Variants in PDE1A observed in about 807,000 individuals in gnomAD.
PDE1A encodes phosphodiesterase 1A.
Under a neutral mutation model 61.7 loss-of-function variants are expected in PDE1A, and 35 were observed. That is an observed-to-expected ratio of 0.57 (90% confidence interval 0.43 to 0.75). PDE1A has a LOEUF of 0.75. Ranked by LOEUF, PDE1A falls within the 30% of genes least tolerant of loss-of-function variation. The pLI, the probability that PDE1A is intolerant of heterozygous loss-of-function variation, is 0.00. For missense variants in PDE1A, 597 were observed against 630.6 expected, an observed-to-expected ratio of 0.95 and a Z score of 0.57; for synonymous variants, 232 against 213.2, an observed-to-expected ratio of 1.09 and a Z score of -0.77.
the PDE1A span, among the ~76,000 whole-genome samples, chr2:182,571,257 T>G: frequency 1.3e-5 from 2 of 152,130 alleles, no homozygotes; most frequent in Non-Finnish European, 2.9e-5. Flanking sequence ...TATGCTTTCT[T>G]TTAAAATAGG....
chr2:182,536,667 C>T, the PDE1A span, among the ~76,000 whole-genome samples: 4 of 152,168 alleles, frequency 2.6e-5, no homozygotes, highest in African/African-American at 7.2e-5. Context: ...TATACCATTA[C>T]ACATGTTCTT....
intron 13 of PDE1A, among the ~76,000 whole-genome samples, chr2:182,185,105 T>C (rs1195612512): frequency 6.6e-6 from 1 of 152,138 alleles, no homozygotes; most frequent in Non-Finnish European, 1.5e-5. Context: ...TTCCTGAGTA[T>C]ATTAAAGCTG....
chr2:182,208,844 C>T (rs571918310), intron 7 of PDE1A, among the ~76,000 whole-genome samples: 13 of 152,322 alleles, frequency 8.5e-5, no homozygotes, highest in African/African-American at 2.4e-4. Context: ...TTCTCCCTTT[C>T]GGAATAGGAG....
At chr2:182,510,250 T>C (rs538135440) in intron 2 of PDE1A, among the ~76,000 whole-genome samples, 133 of 152,314 alleles carry the variant, frequency 8.7e-4, no homozygotes, top group African/African-American at 3.1e-3. Context: ...GTTTCATATA[T>C]ATGCTTCTAA....
the PDE1A span, among the ~76,000 whole-genome samples, chr2:182,608,538 G>T: frequency 3.9e-5 from 6 of 152,174 alleles, no homozygotes; most frequent in Admixed American, 3.9e-4. Context: ...TGGGCTCGGC[G>T]GCCCGGCACT....
intron 4 of PDE1A, among the ~76,000 whole-genome samples, 160 bp from the exon 5 acceptor site, chr2:182,231,291 T>C (rs925215124): frequency 1.3e-5 from 2 of 152,174 alleles, no homozygotes; most frequent in Non-Finnish European, 2.9e-5. Flanking sequence ...CCACTTAGTA[T>C]CCATGGGTCC....
chr2:182,645,347 G>A, the PDE1A span, among the ~76,000 whole-genome samples: 1 of 152,094 alleles, frequency 6.6e-6, no homozygotes, highest in Non-Finnish European at 1.5e-5. Context: ...CGTTTTACCT[G>A]ATGAAATATT....
intron 2 of PDE1A, among the ~76,000 whole-genome samples, chr2:182,507,460 A>G (rs906879385): frequency 6.6e-6 from 1 of 152,162 alleles, no homozygotes; most frequent in Non-Finnish European, 1.5e-5. Flanking sequence ...CCATCCTCCA[A>G]TAGGTCTCAC....
intron 2 of PDE1A, among the ~76,000 whole-genome samples, chr2:182,244,357 T>TTC (rs1266498288): frequency 2.7e-5 from 2 of 73,110 alleles, no homozygotes; most frequent in Non-Finnish European, 5.2e-5. Context: ...TGTTTACCTT[T>TTC]TTCTTTTTTT....
chr2:182,158,210 A>G (rs1691200242), intron 13 of PDE1A, among the ~76,000 whole-genome samples: 1 of 152,208 alleles, frequency 6.6e-6, no homozygotes. Flanking sequence ...TCATGCTTTA[A>G]AATAAAAGCA....
chr2:182,357,844 T>C (rs1699283573), intron 1 of PDE1A, among the ~76,000 whole-genome samples: 1 of 152,224 alleles, frequency 6.6e-6, no homozygotes, highest in Admixed American at 6.5e-5. Flanking sequence ...TCCACTGAGT[T>C]AAGGCACATG....
At chr2:182,289,407 C>A (rs1036704092) in intron 1 of PDE1A, among the ~76,000 whole-genome samples, 6 of 151,996 alleles carry the variant, frequency 3.9e-5, no homozygotes, top group African/African-American at 1.2e-4. Context: ...AGGGAGAGCC[C>A]AGCTTCACAT....
chr2:182,516,291 A>G (rs944382362), intron 2 of PDE1A, among the ~76,000 whole-genome samples: 2 of 152,068 alleles, frequency 1.3e-5, no homozygotes, highest in Non-Finnish European at 2.9e-5. Flanking sequence ...CAATAGTAGC[A>G]CAGACGAGTT....
At chr2:182,563,614 T>A in the PDE1A span, among the ~76,000 whole-genome samples, 1 of 152,180 alleles carries the variant, frequency 6.6e-6, no homozygotes, top group South Asian at 2.1e-4. Flanking sequence ...GTATCCTTGT[T>A]AACTTTCTGT....
intron 1 of PDE1A, among the ~76,000 whole-genome samples, chr2:182,289,792 CGAG>C (rs1201688181): frequency 6.6e-6 from 1 of 151,942 alleles, no homozygotes; most frequent in Non-Finnish European, 1.5e-5. Flanking sequence ...TCCTAACCTA[CGAG>C]TTACTTTTTT....
chr2:182,240,314 A>C, intron 2 of PDE1A, 22 bp from the exon 3 acceptor site: 1 of 1,452,550 alleles, frequency 6.9e-7, no homozygotes, highest in East Asian at 2.4e-5. Flanking sequence ...TATACAGATT[A>C]AACTTTTTTA....
chr2:182,426,928 G>C, exon 1 of PDE1A: 1 of 1,121,624 alleles, frequency 8.9e-7, no homozygotes. Context: ...CTCCGAAACA[G>C]AACAAAACAA....
intron 1 of PDE1A, among the ~76,000 whole-genome samples, chr2:182,318,182 T>C (rs1696466508): frequency 6.6e-6 from 1 of 152,188 alleles, no homozygotes; most frequent in East Asian, 1.9e-4. Context: ...TGACTTAATA[T>C]GTCCCCTCAA....
At chr2:182,713,766 T>G in the PDE1A span, among the ~76,000 whole-genome samples, 1 of 152,226 alleles carries the variant, frequency 6.6e-6, no homozygotes. Context: ...GCTCAAGCCT[T>G]TCCAAGCCTA....
Sources: gnomAD v4.1 joint callset for allele counts (sites outside exome capture counted in the v4.1 genomes callset) on GRCh38, gnomAD v4.1.1 for gene constraint, MANE v1.5 for transcripts, NCBI Gene and HGNC (gene_info 2026-07-23, HGNC 2026-07-21) for gene names.